The following RERE variants were observed in gnomAD, a reference collection of about 807,000 sequenced individuals.
The protein encoded by RERE is arginine-glutamic acid dipeptide repeats.
In RERE, 40 loss-of-function variants were observed where a neutral mutation model predicts 146.1. That is an observed-to-expected ratio of 0.27 (90% CI 0.21 to 0.36). RERE has a LOEUF of 0.36. RERE is among the 10% of genes least tolerant of loss of function. The pLI, the probability that RERE is intolerant of heterozygous loss-of-function variation, is 1.00. For missense variants in RERE, 1,933 were observed against 2,138.7 expected (o/e 0.90, Z 1.90); for synonymous variants, 1,003 against 866.0 (o/e 1.16, Z -2.78).
At chr1:8,461,237 T>C (rs1176395176) in intron 11 of RERE, among the ~76,000 whole-genome samples, 1 of 152,032 alleles carries the variant, frequency 6.6e-6, no homozygotes, top group East Asian at 1.9e-4. Context: ...TGTTTTAATC[T>C]CTATTTCCTC....
intron 11 of RERE, among the ~76,000 whole-genome samples, chr1:8,458,018 C>T (rs1644472809): frequency 6.6e-6 from 1 of 152,154 alleles, no homozygotes; most frequent in Non-Finnish European, 1.5e-5. Context: ...CTTCTCCCAA[C>T]ATTCAATTCC....
At chr1:8,724,110 G>A (rs1305172824) in intron 1 of RERE, among the ~76,000 whole-genome samples, 2 of 152,118 alleles carry the variant, frequency 1.3e-5, no homozygotes, top group Admixed American at 1.3e-4. Context: ...TCCCTAGAAA[G>A]TCACTATTTA....
At chr1:8,725,744 T>C (rs1440251609) in intron 1 of RERE, among the ~76,000 whole-genome samples, 1 of 152,124 alleles carries the variant, frequency 6.6e-6, no homozygotes, top group Non-Finnish European at 1.5e-5. Flanking sequence ...ATTTGATGAA[T>C]TATATGTAAG....
At chr1:8,362,979 A>C in intron 15 of RERE, 135 bp from the exon 16 acceptor site, 3 of 943,792 alleles carry the variant, frequency 3.2e-6, no homozygotes, top group Non-Finnish European at 4.7e-6. Context: ...TTGGCAAACA[A>C]CAGGCCGCCC....
chr1:8,656,089 T>C lies in RERE; in HGVS notation c.209A>G (p.Glu70Gly). ...TTTCTTCTTATTCTTCTTCGTGGAC[T>C]CCTCTGCGGTGGCACTATTGTTGTC... ...DNDNNSATAE[E>G]STKKNKKKPP... The change falls in exon 2 of 23, where the codon GAG (glutamate) becomes GGG (glycine). Residue 70 changes from glutamate to glycine, a missense_variant. By Grantham distance (98) the Glu-to-Gly change is moderately conservative (BLOSUM62 -2). Around this residue, in one of 11 missense-constraint regions of RERE, gnomAD observed 107 missense variants for 119.7 expected, o/e 0.89. Transcript: ENST00000400908. 1 of 1,614,158 alleles carries C rather than the reference T, an allele frequency of 6.2e-7. No individual in the cohort carries two copies. Among genetic ancestry groups the C allele is most frequent in the Non-Finnish European group, 8.5e-7 (1 of 1,180,020 alleles).
chr1:8,428,094 C>T (rs1480607084), intron 11 of RERE, among the ~76,000 whole-genome samples: 1 of 152,094 alleles, frequency 6.6e-6, no homozygotes, highest in Non-Finnish European at 1.5e-5. Flanking sequence ...TTTCTGTGTC[C>T]ATTAGTTTTT....
At chr1:8,650,713 A>G (rs1175859802) in intron 2 of RERE, among the ~76,000 whole-genome samples, 1 of 152,076 alleles carries the variant, frequency 6.6e-6, no homozygotes. Flanking sequence ...CCTAGCCAAC[A>G]TGGTGAAACC....
intron 1 of RERE, among the ~76,000 whole-genome samples, chr1:8,694,029 C>CAAA (rs144018056): frequency 0.018 from 2,212 of 120,416 alleles, 34 homozygotes; most frequent in African/African-American, 0.024. Flanking sequence ...TTTTCTTTCC[C>CAAA]AAAAAAAAAA....
intron 1 of RERE, among the ~76,000 whole-genome samples, chr1:8,814,170 T>C (rs1641867049): frequency 6.6e-6 from 1 of 152,174 alleles, no homozygotes; most frequent in African/African-American, 2.4e-5. Flanking sequence ...AGATTACTCT[T>C]GAAGTTTTGA....
chr1:8,634,979 C>T (rs1301091933), intron 2 of RERE, among the ~76,000 whole-genome samples: 1 of 152,200 alleles, frequency 6.6e-6, no homozygotes, highest in Non-Finnish European at 1.5e-5. Context: ...TCGTGATCCG[C>T]CTGCCTCAGC....
chr1:8,588,929 G>T (rs1646459367), intron 4 of RERE, among the ~76,000 whole-genome samples: 1 of 152,186 alleles, frequency 6.6e-6, no homozygotes, highest in African/African-American at 2.4e-5. Flanking sequence ...TTCAAGACCA[G>T]CCTGGCCAAC....
intron 11 of RERE, among the ~76,000 whole-genome samples, chr1:8,442,072 G>A (rs770899266): frequency 7.2e-5 from 11 of 152,074 alleles, no homozygotes; most frequent in Non-Finnish European, 1.3e-4. Context: ...AGGATAAGAT[G>A]CAACATTGGA....
chr1:8,566,641 A>T (rs1353145170), intron 4 of RERE, among the ~76,000 whole-genome samples: 1 of 152,082 alleles, frequency 6.6e-6, no homozygotes, highest in Non-Finnish European at 1.5e-5. Context: ...CAAACAAAAA[A>T]AAACCTGAAA....
At chr1:8,521,196 ACTCC>A (rs1645494748) in intron 7 of RERE, among the ~76,000 whole-genome samples, 86 of 135,874 alleles carry the variant, frequency 6.3e-4, no homozygotes, top group East Asian at 1.1e-3. Flanking sequence ...AAAAAAAAGA[ACTCC>A]AAGATGTATA....
At chr1:8,616,746 GTAGT>G (rs1171255149) in intron 3 of RERE, among the ~76,000 whole-genome samples, 2 of 152,164 alleles carry the variant, frequency 1.3e-5, no homozygotes, top group East Asian at 3.8e-4. Context: ...CCTCACAGTA[GTAGT>G]TAAACACTAA....
intron 6 of RERE, among the ~76,000 whole-genome samples, chr1:8,555,428 T>C (rs1645995488): frequency 6.6e-6 from 1 of 152,196 alleles, no homozygotes; most frequent in Admixed American, 6.5e-5. Flanking sequence ...TGCCCTAAAG[T>C]TGCTACTAAT....
chr1:8,458,196 G>C (rs1274283550), intron 11 of RERE, among the ~76,000 whole-genome samples: 1 of 152,060 alleles, frequency 6.6e-6, no homozygotes, highest in Non-Finnish European at 1.5e-5. Context: ...CACTGTCTAT[G>C]GGAGAACAAA....
intron 16 of RERE, 137 bp from the exon 17 acceptor site, chr1:8,362,013 G>C: frequency 3.2e-6 from 2 of 626,002 alleles, no homozygotes; most frequent in Non-Finnish European, 5.6e-6. Flanking sequence ...GCTCTAGAAG[G>C]GTCAACTGGG....
chr1:8,514,265 TTGTC>T (rs1645381475), intron 7 of RERE, among the ~76,000 whole-genome samples: 1 of 152,220 alleles, frequency 6.6e-6, no homozygotes, highest in African/African-American at 2.4e-5. Context: ...TGACCACAGT[TTGTC>T]TGTCAGTTGT....
Sources: gnomAD v4.1 joint callset for allele counts (sites outside exome capture counted in the v4.1 genomes callset) on GRCh38, gnomAD v4.1.1 for gene constraint, gnomAD v4.1.1 regional missense constraint, MANE v1.5 for transcripts, NCBI Gene and HGNC (gene_info 2026-07-23, HGNC 2026-07-21) for gene names.